ARHGAP6: variants seen among roughly 807,000 people sequenced by gnomAD.
ARHGAP6 encodes Rho GTPase activating protein 6.
In ARHGAP6, 16 loss-of-function variants were observed where a neutral mutation model predicts 55.7. The ratio of observed to expected loss-of-function variants is 0.29; its 90% CI spans 0.19 to 0.44. The LOEUF (loss-of-function observed/expected upper bound fraction) is 0.44. Among genes scored for constraint, ARHGAP6 ranks in the 20% least tolerant of loss-of-function variants. The pLI is 1.00. For synonymous variants in ARHGAP6, 382 were observed against 360.9 expected (o/e 1.06, Z -0.66); for missense variants, 698 against 808.9 (o/e 0.86, Z 1.66).
intron 10 of ARHGAP6, among the ~76,000 whole-genome samples, chrX:11,153,432 G>A (rs1210177706): frequency 9.5e-6 from 1 of 105,704 alleles, no homozygotes; most frequent in African/African-American, 3.5e-5. Context: ...GGCTGAGGCA[G>A]GAGAATCGTT....
At chrX:11,169,743 A>G in intron 8 of ARHGAP6, 59 bp from the exon 9 acceptor site, 1 of 902,071 alleles carries the variant, frequency 1.1e-6, no homozygotes. Flanking sequence ...ATACTGGGTG[A>G]TTCAACAATC....
At chrX:11,497,878 G>A (rs1005947099) in intron 1 of ARHGAP6, among the ~76,000 whole-genome samples, 9 of 110,241 alleles carry the variant, frequency 8.2e-5, no homozygotes, top group Non-Finnish European at 1.7e-4. Context: ...ACCAAACAAT[G>A]ATGCTCACAT....
chrX:11,287,869 GAGA>G (rs1384604512), intron 1 of ARHGAP6, among the ~76,000 whole-genome samples: 2 of 112,384 alleles, frequency 1.8e-5, no homozygotes, highest in Non-Finnish European at 3.8e-5. Flanking sequence ...ATGGAAGCAT[GAGA>G]AGATGTCACC....
chrX:11,561,400 T>C (rs1180153979), intron 1 of ARHGAP6, among the ~76,000 whole-genome samples: 1 of 112,059 alleles, frequency 8.9e-6, no homozygotes, highest in Non-Finnish European at 1.9e-5. Flanking sequence ...GTGGTATACA[T>C]ATAGATTCAG....
intron 1 of ARHGAP6, among the ~76,000 whole-genome samples, chrX:11,590,086 C>A (rs190405951): frequency 9.0e-6 from 1 of 111,313 alleles, no homozygotes; most frequent in Admixed American, 9.6e-5. Flanking sequence ...ACAACTTATA[C>A]TGGCTCTCTG....
chrX:11,640,141 G>A (rs1317885597), intron 1 of ARHGAP6, among the ~76,000 whole-genome samples: 1 of 111,203 alleles, frequency 9.0e-6, no homozygotes, highest in East Asian at 2.8e-4. Context: ...CTAACAAAAT[G>A]TAAAGGAGAT....
At chrX:11,274,666 G>A (rs1232087937) in intron 1 of ARHGAP6, among the ~76,000 whole-genome samples, 3 of 110,518 alleles carry the variant, frequency 2.7e-5, no homozygotes, top group Non-Finnish European at 5.7e-5. Context: ...TGCAGGATGT[G>A]CAGGTTTGTT....
At chrX:11,303,735 A>G (rs2048199845) in intron 1 of ARHGAP6, among the ~76,000 whole-genome samples, 1 of 111,755 alleles carries the variant, frequency 8.9e-6, no homozygotes, top group African/African-American at 3.3e-5. Flanking sequence ...CAGAAGCACA[A>G]AGCCGGCTTT....
rs2046323770 is a variant in ARHGAP6 at position 11,182,240 on chromosome X, G to T, written c.1274-122C>A. The T allele has an allele frequency of 6.3e-5, 30 of 477,151 alleles. 1 individual carries two copies. The South Asian group carries it at 1.1e-3, about 18-fold the overall frequency. 39.3% of individuals were successfully genotyped at this position (477,151 alleles called of 1,213,427 possible). A position where few individuals can be genotyped will look rare whatever the true frequency, so the allele number is the denominator to read the frequency against. ...CATGTAGAGCAATAGTAACTTGACAGCATACAGTAATGCTTCTTTCATCTC... is the reference window on the plus strand; with the variant it reads ...CATGTAGAGCAATAGTAACTTGACATCATACAGTAATGCTTCTTTCATCTC... On this transcript the variant is annotated intron_variant, in intron 5 of 12. Transcript: ENST00000337414.
chrX:11,518,717 C>T (rs2050875486), intron 1 of ARHGAP6, among the ~76,000 whole-genome samples: 1 of 102,373 alleles, frequency 9.8e-6, no homozygotes, highest in South Asian at 4.7e-4. Flanking sequence ...ATGTGCCATG[C>T]TGGTGCGCTG....
Position 11,138,786 on chromosome X carries a change from A to C in ARHGAP6, c.*77T>G. ...GTGAAAGAAGAACACTAAGTGTGCC[A>C]GTGGCCACCACCCACGGTCCCCCCT... On this transcript the variant is annotated 3_prime_UTR_variant, in exon 13 of 13. Transcript: ENST00000337414. 2.0e-6 allele frequency: 2 copies of C among 1,018,864 alleles called. No individual in the cohort carries two copies. The highest frequency in any genetic ancestry group is 2.6e-6 in the Non-Finnish European group (2 of 759,539). The allele number at this position is 1,018,864 out of a possible 1,213,427, so 84.0% of individuals were successfully genotyped here.
intron 10 of ARHGAP6, among the ~76,000 whole-genome samples, chrX:11,151,275 T>C (rs73184306): frequency 0.18 from 19,080 of 103,873 alleles, 1,400 homozygotes; most frequent in Middle Eastern, 0.26. Flanking sequence ...TTTTTTTTTT[T>C]CCCCCTAGAG....
chrX:11,289,963 C>T (rs903644012), intron 1 of ARHGAP6, among the ~76,000 whole-genome samples: 5 of 111,792 alleles, frequency 4.5e-5, no homozygotes, highest in South Asian at 7.6e-4. Flanking sequence ...CCAGCCTGGG[C>T]GACAGAGCGA....
At chrX:11,158,001 C>G (rs962394582) in intron 9 of ARHGAP6, among the ~76,000 whole-genome samples, 2 of 111,958 alleles carry the variant, frequency 1.8e-5, no homozygotes, top group Non-Finnish European at 3.8e-5. Context: ...TTCTTTTCTC[C>G]CTTTTCCATT....
intron 1 of ARHGAP6, among the ~76,000 whole-genome samples, chrX:11,514,594 G>C (rs1374562418): frequency 1.8e-5 from 2 of 110,268 alleles, no homozygotes; most frequent in East Asian, 5.7e-4. Context: ...GCCTCCATTT[G>C]AGACCCAATG....
intron 2 of ARHGAP6, among the ~76,000 whole-genome samples, chrX:11,212,361 A>C (rs752977821): frequency 3.3e-4 from 37 of 112,361 alleles, no homozygotes; most frequent in South Asian, 1.5e-3. Context: ...TGCAGCCTAT[A>C]CAGAGAAAGG....
intron 1 of ARHGAP6, among the ~76,000 whole-genome samples, chrX:11,397,616 C>T (rs1002881433): frequency 8.9e-6 from 1 of 112,191 alleles, no homozygotes; most frequent in Non-Finnish European, 1.9e-5. Flanking sequence ...TGGTGACTCA[C>T]GCCTGTTTTC....
intron 1 of ARHGAP6, among the ~76,000 whole-genome samples, chrX:11,534,452 TC>T (rs1205280676): frequency 2.7e-5 from 3 of 111,177 alleles, no homozygotes; most frequent in Non-Finnish European, 5.7e-5. Flanking sequence ...GCGGAGGCTT[TC>T]CTGTGCATCA....
intron 1 of ARHGAP6, among the ~76,000 whole-genome samples, chrX:11,572,294 C>T (rs1028830373): frequency 4.5e-5 from 5 of 109,963 alleles, no homozygotes; most frequent in Admixed American, 1.9e-4. Flanking sequence ...CCCATTAACT[C>T]GTCATTTAGC....
Sources: allele counts gnomAD v4.1 joint callset (sites outside exome capture counted in the v4.1 genomes callset), GRCh38; gene constraint gnomAD v4.1.1; transcripts MANE v1.5; gene names NCBI Gene and HGNC (gene_info 2026-07-23, HGNC 2026-07-21).